The following MTOR variants were observed in gnomAD, a reference collection of about 807,000 sequenced individuals.
MTOR encodes serine/threonine-protein kinase mTOR.
A neutral mutation model predicts 319.8 loss-of-function variants in MTOR; 70 were observed. That is an observed-to-expected ratio of 0.22 (90% CI 0.18 to 0.27). The LOEUF (loss-of-function observed/expected upper bound fraction) is 0.27, where lower values mean the gene tolerates loss of function less well. MTOR is among the 10% of genes least tolerant of loss of function. The pLI is 1.00. For synonymous variants in MTOR, 1,183 were observed against 1,211.4 expected (o/e 0.98, Z 0.49); for missense variants, 1,890 against 3,274.4 (o/e 0.58, Z 10.32).
At chr1:11,139,876 G>C (rs1185781413) in intron 34 of MTOR, among the ~76,000 whole-genome samples, 1 of 152,136 alleles carries the variant, frequency 6.6e-6, no homozygotes, top group African/African-American at 2.4e-5. Flanking sequence ...ATTTTTAGTA[G>C]AGACGGGGTT....
chr1:11,194,952 G>A (rs1645725448), intron 28 of MTOR: 1 of 1,614,090 alleles, frequency 6.2e-7, no homozygotes, highest in East Asian at 2.2e-5. Flanking sequence ...CACCTGGTAT[G>A]GCTGGCATGG....
intron 29 of MTOR, among the ~76,000 whole-genome samples, chr1:11,159,168 G>A (rs190998787): frequency 1.3e-5 from 2 of 152,220 alleles, no homozygotes; most frequent in East Asian, 3.9e-4. Flanking sequence ...AGCACTTTCT[G>A]GGATCTAAGC....
chr1:11,143,838 G>A (rs2100501187), intron 34 of MTOR: 1 of 152,212 alleles, frequency 6.6e-6, no homozygotes, highest in African/African-American at 2.4e-5. Flanking sequence ...TTTCTGGAGT[G>A]GTAAAGGCTT....
At chr1:11,134,130 G>C (rs1437584684) in intron 37 of MTOR, among the ~76,000 whole-genome samples, 1 of 152,162 alleles carries the variant, frequency 6.6e-6, no homozygotes, top group Non-Finnish European at 1.5e-5. Context: ...GACGCCAGGA[G>C]AACAGCACAT....
At chr1:11,215,362 A>AG (rs1462561026) in intron 20 of MTOR, among the ~76,000 whole-genome samples, 1 of 152,074 alleles carries the variant, frequency 6.6e-6, no homozygotes, top group Non-Finnish European at 1.5e-5. Context: ...ACATGTAGGG[A>AG]GGTTTTCAGT....
rs3730378 is a variant in MTOR, at chr1:11,129,150, G to A, written c.5715-199C>T. Among the ~76,000 whole-genome samples the A allele has an allele frequency of 4.8e-3, 730 of 152,308 alleles. 2 individuals carry two copies. Among genetic ancestry groups the A allele is most frequent in the Non-Finnish European group, 8.9e-3 (606 of 68,020 alleles). On this transcript the variant is annotated intron_variant, in intron 40 of 57. Transcript: ENST00000361445. The surrounding 1 kb of genome is among the most constrained non-coding windows in gnomAD (Gnocchi z 4.7). ...CTGAACACCGTAAGAGTCACCCTGA[G>A]CAAATGAGCATTTCATCCCAGGTCA... is the stretch of plus-strand genomic sequence containing the variant.
At chr1:11,112,152 GCT>G (rs1414875364) in intron 54 of MTOR, among the ~76,000 whole-genome samples, 9 of 152,106 alleles carry the variant, frequency 5.9e-5, no homozygotes, top group Admixed American at 5.9e-4. Flanking sequence ...TGTGAGTCGC[GCT>G]CCTAGAAACA....
intron 10 of MTOR, 37 bp downstream of exon 10, chr1:11,241,516 C>T (rs774780927): frequency 5.6e-5 from 89 of 1,585,622 alleles, no homozygotes; most frequent in Non-Finnish European, 7.0e-5. Flanking sequence ...CCAAGCCTCA[C>T]GCTGATACAG....
At chr1:11,118,242 T>TC (rs1279253024) in intron 49 of MTOR, among the ~76,000 whole-genome samples, 1 of 134,400 alleles carries the variant, frequency 7.4e-6, no homozygotes, top group East Asian at 2.0e-4. Flanking sequence ...TTTTTTTTTT[T>TC]TTTTTTTTTT....
At chr1:11,176,562 C>G (rs971116185) in intron 28 of MTOR, among the ~76,000 whole-genome samples, 2 of 152,176 alleles carry the variant, frequency 1.3e-5, no homozygotes, top group Non-Finnish European at 2.9e-5. Flanking sequence ...GGTTCCCTGT[C>G]AAGTGAGAAT....
At chr1:11,157,955 C>T (rs1027069781) in intron 29 of MTOR, among the ~76,000 whole-genome samples, 14 of 152,182 alleles carry the variant, frequency 9.2e-5, no homozygotes, top group African/African-American at 3.4e-4. Flanking sequence ...CTGCTCAGTG[C>T]TTGGCAGGTT....
intron 29 of MTOR, among the ~76,000 whole-genome samples, chr1:11,164,566 A>G (rs1439892591): frequency 6.6e-6 from 1 of 152,208 alleles, no homozygotes; most frequent in Non-Finnish European, 1.5e-5. Flanking sequence ...ATCCCTGAAT[A>G]GACCAATAAC....
chr1:11,218,990 C>T (rs891133606), intron 19 of MTOR, among the ~76,000 whole-genome samples: 1 of 151,442 alleles, frequency 6.6e-6, no homozygotes, highest in African/African-American at 2.4e-5. Flanking sequence ...GGCAGATCAC[C>T]CCGAGCTCAG....
chr1:11,107,594 C>T, intron 57 of MTOR, 94 bp from the exon 58 acceptor site: 1 of 1,384,748 alleles, frequency 7.2e-7, no homozygotes, highest in South Asian at 1.3e-5. Context: ...CAAGGTCTGA[C>T]AACCCTAGGG....
intron 1 of MTOR, among the ~76,000 whole-genome samples, chr1:11,261,863 G>A (rs1342631296): frequency 1.3e-5 from 2 of 152,164 alleles, no homozygotes; most frequent in African/African-American, 4.8e-5. Context: ...TATATGATCT[G>A]AGGCCCACAG....
At chr1:11,108,662 A>C (rs961962551) in intron 56 of MTOR, among the ~76,000 whole-genome samples, 1 of 151,102 alleles carries the variant, frequency 6.6e-6, no homozygotes, top group Non-Finnish European at 1.5e-5. Context: ...GCAGTGGGCC[A>C]AGATCGCACC....
At chr1:11,227,479 A>G (rs72856963) in intron 19 of MTOR, among the ~76,000 whole-genome samples, 8,993 of 152,132 alleles carry the variant, frequency 0.059, 372 homozygotes, top group South Asian at 0.12. Flanking sequence ...AAAAGTAACT[A>G]ATTGAGGTAT....
At chr1:11,213,046 C>T (rs535276529) in intron 21 of MTOR, 138 bp from the exon 22 acceptor site, 1 of 643,390 alleles carries the variant, frequency 1.6e-6, no homozygotes, top group South Asian at 2.2e-5. Context: ...TGAACTATAT[C>T]CTTTTGATAG....
At position 11,139,292 on chromosome 1, in the gene MTOR, T is replaced by C. The variant is rs769581169; in HGVS notation, c.5130+12A>G. 4 of 1,596,380 alleles carry C rather than the reference T, an allele frequency of 2.5e-6. No individual in the cohort carries two copies. In the South Asian group the frequency reaches 3.4e-5, roughly 14 times the overall value. ...AGAAGGTGGTCTGTTCTGGATGCATTGGGATACAGACCTTGCGGGCACTCT... is the reference window on the plus strand; with the variant it reads ...AGAAGGTGGTCTGTTCTGGATGCATCGGGATACAGACCTTGCGGGCACTCT... On this transcript the variant is annotated intron_variant, in intron 36 of 57. Transcript: ENST00000361445.
Sources: allele counts gnomAD v4.1 joint callset (sites outside exome capture counted in the v4.1 genomes callset), GRCh38; gene constraint gnomAD v4.1.1; non-coding constraint Gnocchi (gnomAD v3.1); transcripts MANE v1.5; gene names NCBI Gene and HGNC (gene_info 2026-07-23, HGNC 2026-07-21).